Variants in MYT1 observed in about 807,000 individuals in gnomAD.
MYT1 encodes myelin transcription factor 1.
MYT1 carries 23 observed loss-of-function variants against 123.0 expected under a neutral mutation model. The ratio of observed to expected loss-of-function variants is 0.19; its 90% confidence interval spans 0.13 to 0.26. The LOEUF is 0.26. Ranked by LOEUF, MYT1 falls within the 10% of genes least tolerant of loss-of-function variation. The pLI is 1.00. For synonymous variants in MYT1, 518 were observed against 575.3 expected (o/e 0.90, Z 1.43); for missense variants, 1,125 against 1,472.5 (o/e 0.76, Z 3.86).
intron 4 of MYT1, among the ~76,000 whole-genome samples, chr20:64,200,289 C>A (rs984984420): frequency 6.6e-6 from 1 of 152,150 alleles, no homozygotes; most frequent in Non-Finnish European, 1.5e-5. Flanking sequence ...AGGCCCAGTT[C>A]GGGGATGAGA....
chr20:64,217,989 G>C (rs1487871016), intron 11 of MYT1, among the ~76,000 whole-genome samples: 1 of 152,268 alleles, frequency 6.6e-6, no homozygotes, highest in Non-Finnish European at 1.5e-5. Flanking sequence ...GTACACATGA[G>C]ATTGGGAGTG....
At position 64,239,953 on chromosome 20, in the gene MYT1, T is replaced by C. The variant is rs1412571162; in HGVS notation, c.3237+50T>C. 8 of 1,597,212 alleles carry C rather than the reference T, an allele frequency of 5.0e-6. No homozygotes were observed. In the Admixed American group the frequency reaches 6.7e-5, roughly 13 times the overall value. ...CACCACAGCTACCCCCCAGGGTCTC[T>C]TCGGAAAGCAGGAGGGCAGGGCATC... On this transcript the variant is annotated intron_variant, in intron 22 of 22. Coordinates refer to ENST00000328439, the MANE Select transcript of MYT1 (RefSeq NM_004535.3).
chr20:64,170,933 A>AGAGAGAGG (rs1569303924), intron 1 of MYT1, among the ~76,000 whole-genome samples: 1 of 129,796 alleles, frequency 7.7e-6, no homozygotes, highest in African/African-American at 3.0e-5. Flanking sequence ...AGAGAGAGAG[A>AGAGAGAGG]GACGGAGTCT....
intron 6 of MYT1, 25 bp from the exon 7 acceptor site, chr20:64,207,569 C>T (rs1983518503): frequency 3.7e-6 from 6 of 1,600,926 alleles, no homozygotes; most frequent in African/African-American, 2.7e-5. Flanking sequence ...TCTCTGGCCC[C>T]CACGTTGATT....
intron 1 of MYT1, among the ~76,000 whole-genome samples, chr20:64,182,777 C>G (rs1339818574): frequency 6.6e-6 from 1 of 152,196 alleles, no homozygotes; most frequent in East Asian, 1.9e-4. Context: ...CTCACAGAAC[C>G]CAGTCTGGAG....
At position 64,181,402 on chromosome 20, in the gene MYT1, C is replaced by T. The variant is rs916329707; in HGVS notation, c.-98-8661C>T. On this transcript the variant is annotated intron_variant, in intron 1 of 22. Transcript: ENST00000328439. ...GTTTCCTCCGTCTCTGCTATCTCTT[C>T]GTCCTTTTGTTCACTTTCCTAGTAT... Among the ~76,000 whole-genome samples the T allele has an allele frequency of 8.5e-5, 13 of 152,300 alleles. 1 individual carries two copies. The highest frequency in any genetic ancestry group is 5.8e-4 in the East Asian group (3 of 5,186).
At chr20:64,227,523 G>A (rs951089338) in intron 17 of MYT1, 46 bp downstream of exon 17, 5 of 1,559,090 alleles carry the variant, frequency 3.2e-6, no homozygotes, top group Non-Finnish European at 3.5e-6. Context: ...GGGTGGGCAG[G>A]GAGTCTCTTC....
At position 64,236,640 on chromosome 20, in the gene MYT1, A is replaced by G. The variant is rs1344231314; in HGVS notation, c.2983A>G (p.Ser995Gly). ...GGTCCTCAGTCCAAAGTTCAAGACT[A>G]GCGACGGTAAGGATGGCTTCCTGGA... ...DEVLSPKFKT[S>G]DVLENDEEIK... is the part of the protein sequence containing the mutation. The change falls in exon 20 of 23, where the codon AGC becomes GGC. Residue 995 changes from serine to glycine, a missense_variant. By Grantham distance (56) the Ser-to-Gly change is moderately conservative. Around this residue, in one of 4 missense-constraint regions of MYT1, gnomAD observed 243 missense variants for 323.1 expected, o/e 0.75. Coordinates refer to ENST00000328439, the MANE Select transcript of MYT1 (RefSeq NM_004535.3). The G allele has an allele frequency of 6.2e-7, 1 of 1,613,404 alleles. No homozygotes were observed. The highest frequency in any genetic ancestry group is 8.5e-7 in the Non-Finnish European group (1 of 1,179,558).
At chr20:64,187,137 A>G (rs1293871277) in intron 1 of MYT1, among the ~76,000 whole-genome samples, 3 of 146,094 alleles carry the variant, frequency 2.1e-5, no homozygotes, top group Admixed American at 6.8e-5. Flanking sequence ...TGGCCCCGGC[A>G]TCCACGTTTC....
At chr20:64,209,953 C>T (rs979923679) in intron 7 of MYT1, among the ~76,000 whole-genome samples, 2 of 152,210 alleles carry the variant, frequency 1.3e-5, no homozygotes, top group Admixed American at 1.3e-4. Context: ...GTGTCATGCT[C>T]CGGCCTTGTG....
chr20:64,228,283 C>G (rs1182154529), intron 18 of MYT1, among the ~76,000 whole-genome samples: 2 of 152,222 alleles, frequency 1.3e-5, no homozygotes, highest in Non-Finnish European at 2.9e-5. Flanking sequence ...TTAGGGCCAC[C>G]TGGGAGTGGG....
Position 64,208,127 on chromosome 20 carries a change from G to T in MYT1, c.931G>T (p.Val311Leu). The change falls in exon 7 of 23, where the codon GTG becomes TTG. Residue 311 changes from valine (V) to leucine (L), a missense_variant. Physicochemically the swap from Val to Leu is conservative, Grantham distance 32. Transcript: ENST00000328439. This position sits in a 1 kb window ranked among gnomAD's most constrained non-coding sequence, Gnocchi z 5.4. ...EEEEEEAAPD[V>L]IFQEDTSHTS... ...GGAGGAGGAGGAGGCAGCTCCTGAT[G>T]TGATCTTTCAGGAAGACACCTCTCA... is the stretch of plus-strand genomic sequence containing the variant. 6.2e-7 allele frequency: 1 copy of T among 1,612,706 alleles called. No homozygotes were observed. Among genetic ancestry groups the T allele is most frequent in the Non-Finnish European group, 8.5e-7 (1 of 1,179,306 alleles).
At chr20:64,238,137 T>C (rs1984607358) in intron 21 of MYT1, among the ~76,000 whole-genome samples, 1 of 151,946 alleles carries the variant, frequency 6.6e-6, no homozygotes. Context: ...AAAGATCTTA[T>C]TTTGAAAATA....
Position 64,217,206 on chromosome 20 carries a change from G to A in MYT1, c.1771G>A (p.Asp591Asn). The change falls in exon 11 of 23, where the codon GAT (aspartate) becomes AAT (asparagine). Residue 591 changes from aspartate (D) to asparagine (N), a missense_variant. Physicochemically the swap from Asp to Asn is conservative, Grantham distance 23. Transcript: ENST00000328439. Reference sequence around the variant, plus strand: ...GGTCACCTTTGACTACGCAAGTTTCGATGCTCAGGTTTTTGGCAAACGCAT... The same window carrying A: ...GGTCACCTTTGACTACGCAAGTTTCAATGCTCAGGTTTTTGGCAAACGCAT... ...SKVTFDYASFDAQVFGKRMLA... is the reference protein window; with the variant it reads ...SKVTFDYASFNAQVFGKRMLA... 2.5e-6 allele frequency: 4 copies of A among 1,614,282 alleles called. No homozygotes were observed. Among genetic ancestry groups the A allele is most frequent in the South Asian group, 1.1e-5 (1 of 91,092 alleles).
At chr20:64,228,697 C>A (rs1984240261) in intron 18 of MYT1, among the ~76,000 whole-genome samples, 2 of 152,140 alleles carry the variant, frequency 1.3e-5, no homozygotes, top group Admixed American at 1.3e-4. Context: ...CCTGCACTGC[C>A]CACTTTTAGG....
chr20:64,188,638 A>G (rs148553537), intron 1 of MYT1, among the ~76,000 whole-genome samples: 1 of 151,982 alleles, frequency 6.6e-6, no homozygotes, highest in South Asian at 2.1e-4. Flanking sequence ...TCCTCCCTAT[A>G]CCCCACATCC....
rs58793360 is a variant in MYT1, at chr20:64,165,829, G to GT, written c.-99+1101dup. 3.9e-3 allele frequency among the ~76,000 whole-genome samples: 575 copies of GT among 148,238 alleles called. 3 individuals carry two copies. The highest frequency in any genetic ancestry group is 4.8e-3 in the Non-Finnish European group (321 of 66,650). On this transcript the variant is annotated intron_variant, in intron 1 of 22. Coordinates refer to ENST00000328439, the MANE Select transcript of MYT1 (RefSeq NM_004535.3). The stretch of plus-strand genomic sequence containing the variant: ...GTCGGTGGAGAATTTTGCCCTTGCA[G>GT]TTTTTTTTTTTCTTTTAAATCACAG...
At chr20:64,228,898 C>T (rs1023986978) in intron 18 of MYT1, among the ~76,000 whole-genome samples, 1 of 152,232 alleles carries the variant, frequency 6.6e-6, no homozygotes, top group African/African-American at 2.4e-5. Context: ...GGACGGGGCC[C>T]TACTATGCCC....
At chr20:64,173,348 G>A (rs1274705565) in intron 1 of MYT1, among the ~76,000 whole-genome samples, 1 of 152,156 alleles carries the variant, frequency 6.6e-6, no homozygotes, top group Non-Finnish European at 1.5e-5. Context: ...GATAGAGTGG[G>A]TGTCTTTTGT....
Sources: gnomAD v4.1 joint callset for allele counts (sites outside exome capture counted in the v4.1 genomes callset) on GRCh38, gnomAD v4.1.1 for gene constraint, gnomAD v4.1.1 regional missense constraint, Gnocchi (gnomAD v3.1) non-coding constraint, MANE v1.5 for transcripts, NCBI Gene and HGNC (gene_info 2026-07-23, HGNC 2026-07-21) for gene names.